OTOP1: variants seen among roughly 807,000 people sequenced by gnomAD.
OTOP1 encodes proton channel OTOP1.
OTOP1 carries 59 observed loss-of-function variants against 52.9 expected under a neutral mutation model. The ratio of observed to expected loss-of-function variants is 1.12; its 90% CI spans 0.91 to 1.39. The LOEUF (loss-of-function observed/expected upper bound fraction) is 1.39. Among genes scored for constraint, OTOP1 ranks in the 40% most tolerant of loss-of-function variants. OTOP1 has a pLI of 0.00. For synonymous variants in OTOP1, 317 were observed against 337.7 expected (o/e 0.94, Z 0.67); for missense variants, 761 against 800.9 (o/e 0.95, Z 0.60).
rs192640110 is a variant in OTOP1, at chr4:4,198,220, G to C, written c.731-117C>G. On this transcript the variant is annotated intron_variant, in intron 4 of 5. Transcript: ENST00000296358. ...GGCTTGGGTCTTCCCACTGGATTAT[G>C]AGCTTTATCATGTCATAGCTTATTA... The C allele has an allele frequency of 5.8e-5, 46 of 793,396 alleles. 1 individual carries two copies. The South Asian group carries it at 8.1e-4, about 14-fold the overall frequency. 49.1% of individuals were successfully genotyped at this position (793,396 alleles called of 1,614,324 possible).
chr4:4,215,176 G>C (rs1717112150), intron 1 of OTOP1, among the ~76,000 whole-genome samples: 1 of 152,156 alleles, frequency 6.6e-6, no homozygotes, highest in Non-Finnish European at 1.5e-5. Flanking sequence ...CTAGAAGGCA[G>C]GTGCTGTGTC....
intron 5 of OTOP1, among the ~76,000 whole-genome samples, chr4:4,196,764 C>T (rs115548239): frequency 0.013 from 1,912 of 152,192 alleles, 42 homozygotes; most frequent in African/African-American, 0.043. Flanking sequence ...AGCTCTACAC[C>T]GTGGAATATT....
intron 1 of OTOP1, 28 bp downstream of exon 1, chr4:4,226,434 G>T: frequency 1.4e-6 from 2 of 1,406,176 alleles, no homozygotes; most frequent in South Asian, 3.1e-5. Flanking sequence ...AGGAGGCGGA[G>T]ACCCGCTCGC....
intron 4 of OTOP1, among the ~76,000 whole-genome samples, chr4:4,199,220 T>TTGTGTGTGTATG (rs1553852200): frequency 3.7e-5 from 2 of 54,156 alleles, no homozygotes; most frequent in Non-Finnish European, 7.7e-5. Flanking sequence ...TCAGGTAAAA[T>TTGTGTGTGTATG]TGTGTGTGTG....
intron 3 of OTOP1, among the ~76,000 whole-genome samples, chr4:4,204,710 A>ATC (rs1290001440): frequency 7.0e-6 from 1 of 143,688 alleles, no homozygotes; most frequent in African/African-American, 2.6e-5. Context: ...TGTTTCCTTC[A>ATC]TCTGTGTGTG....
intron 4 of OTOP1, among the ~76,000 whole-genome samples, chr4:4,200,319 C>T (rs971355956): frequency 2.6e-5 from 4 of 151,656 alleles, no homozygotes; most frequent in African/African-American, 7.3e-5. Flanking sequence ...ACTAAAAATA[C>T]AAAAAATTAG....
At chr4:4,192,761 G>A (rs1716541605) in intron 5 of OTOP1, among the ~76,000 whole-genome samples, 4 of 152,094 alleles carry the variant, frequency 2.6e-5, no homozygotes, top group Admixed American at 1.3e-4. Context: ...GACCCTGGAG[G>A]GTGTTATGAT....
At position 4,226,806 on chromosome 4, in the gene OTOP1, G is replaced by C; in HGVS notation, c.59C>G (p.Ala20Gly). 1 of 1,363,064 alleles carries C rather than the reference G, an allele frequency of 7.3e-7. No individual in the cohort carries two copies. Among genetic ancestry groups the C allele is most frequent in the East Asian group, 3.1e-5 (1 of 32,322 alleles). 84.4% of individuals were successfully genotyped at this position (1,363,064 alleles called of 1,614,324 possible). The change falls in exon 1 of 6, where the codon GCA (alanine) becomes GGA (glycine). Residue 20 changes from alanine (A) to glycine (G), a missense_variant. Ala to Gly is a moderately conservative substitution (Grantham distance 60). Around this residue, in one of 3 missense-constraint regions of OTOP1, gnomAD observed 73 missense variants for 75.7 expected, o/e 0.96. Coordinates refer to ENST00000296358, the MANE Select transcript of OTOP1 (RefSeq NM_177998.3). ...SPRAAASASV[A>G]GSSGPAACSP... ...GCAGGCCGCTGGCCCCGACGACCCT[G>C]CGACCGAGGCGCTTGCAGCTGCCCG...
intron 1 of OTOP1, among the ~76,000 whole-genome samples, chr4:4,219,505 T>C (rs1340884393): frequency 6.6e-6 from 1 of 151,708 alleles, no homozygotes; most frequent in Non-Finnish European, 1.5e-5. Flanking sequence ...ATCGAGACCA[T>C]CCTGGCCAAC....
chr4:4,214,346 G>C (rs1717089611), intron 1 of OTOP1, among the ~76,000 whole-genome samples: 1 of 152,144 alleles, frequency 6.6e-6, no homozygotes, highest in Non-Finnish European at 1.5e-5. Flanking sequence ...ATAGTGCTCT[G>C]TTGGTAGGAA....
At chr4:4,220,105 A>ATATAT (rs1434375771) in intron 1 of OTOP1, among the ~76,000 whole-genome samples, 5 of 59,396 alleles carry the variant, frequency 8.4e-5, no homozygotes, top group African/African-American at 1.5e-4. Flanking sequence ...ATATATATAT[A>ATATAT]TTTTTTTTTT....
chr4:4,210,436 T>G (rs866384391), intron 2 of OTOP1, among the ~76,000 whole-genome samples: 30 of 152,184 alleles, frequency 2.0e-4, no homozygotes, highest in African/African-American at 5.8e-4. Context: ...TGTTGGTTCC[T>G]TTTGAGGCCT....
In OTOP1 at chr4:4,197,152, T is replaced by C. The variant is rs190572615; in HGVS notation, c.1668+14A>G. The C allele has an allele frequency of 1.9e-6, 3 of 1,586,260 alleles. No homozygotes were observed. Among genetic ancestry groups the C allele is most frequent in the East Asian group, 4.5e-5 (2 of 44,554 alleles). The stretch of plus-strand genomic sequence containing the variant: ...GTAAAATTAAAAGAATAAGAATAAC[T>C]TGGTGCAGATTACCGAAATATTGCA... On this transcript the variant is annotated intron_variant, in intron 5 of 5. Coordinates refer to ENST00000296358, the MANE Select transcript of OTOP1 (RefSeq NM_177998.3).
intron 1 of OTOP1, among the ~76,000 whole-genome samples, chr4:4,226,035 C>T (rs1033323149): frequency 7.2e-5 from 11 of 152,106 alleles, no homozygotes; most frequent in Non-Finnish European, 1.2e-4. Flanking sequence ...CTGCGATGGG[C>T]GAGAAAGTTC....
In OTOP1 at chr4:4,197,513, G is replaced by C. The variant is rs756010990; in HGVS notation, c.1321C>G (p.Leu441Val). 1.2e-6 allele frequency: 2 copies of C among 1,613,966 alleles called. No homozygotes were observed. The highest frequency in any genetic ancestry group is 1.3e-5 in the African/African-American group (1 of 74,898). ...LAIVEKYIQN[L>V]FIFESIHREP... ...CGGTGAATGGATTCAAAGATGAAGA[G>C]GTTCTGGATGTACTTCTCCACGATC... The change falls in exon 5 of 6, where the codon CTC (leucine) becomes GTC (valine). Residue 441 changes from leucine to valine, a missense_variant. This residue lies in a region of OTOP1 where 632 missense variants were observed against 619.5 expected (regional missense o/e 1.02). Coordinates refer to ENST00000296358, the MANE Select transcript of OTOP1 (RefSeq NM_177998.3).
rs746006251 is a variant in OTOP1 at position 4,198,061 on chromosome 4, G to A, written c.773C>T (p.Thr258Ile). The change falls in exon 5 of 6, where the codon ACT becomes ATT. Residue 258 changes from threonine to isoleucine, a missense_variant. Around this residue, in one of 3 missense-constraint regions of OTOP1, gnomAD observed 632 missense variants for 619.5 expected, o/e 1.02. Transcript: ENST00000296358. ...HTPQCNCTPPTLCTAISHGIY... is the reference protein window; with the variant it reads ...HTPQCNCTPPILCTAISHGIY... ...CCCGTGGGAGATGGCAGTGCACAGA[G>A]TTGGGGGCGTGCAGTTACACTGCGG... 9.3e-6 allele frequency: 15 copies of A among 1,614,176 alleles called. No individual in the cohort carries two copies. Among genetic ancestry groups the A allele is most frequent in the Non-Finnish European group, 1.2e-5 (14 of 1,180,000 alleles).
In OTOP1 at chr4:4,203,573, G is replaced by A. The variant is rs559667052; in HGVS notation, c.600-995C>T. Among the ~76,000 whole-genome samples the A allele has an allele frequency of 3.1e-4, 47 of 152,310 alleles. No individual in the cohort carries two copies. The South Asian group carries it at 9.5e-3, about 31-fold the overall frequency. On this transcript the variant is annotated intron_variant, in intron 3 of 5. Transcript: ENST00000296358. ...AGTGGAAGGTCGACACTGGACTCTG[G>A]GTAGCAGGCGAGAGATCCATGGGGA...
chr4:4,217,684 A>G (rs1312459026), intron 1 of OTOP1, among the ~76,000 whole-genome samples: 1 of 152,232 alleles, frequency 6.6e-6, no homozygotes, highest in Non-Finnish European at 1.5e-5. Context: ...AAGTGCATGA[A>G]GAAAAGTAAA....
intron 1 of OTOP1, among the ~76,000 whole-genome samples, chr4:4,224,482 C>CA (rs1278325240): frequency 1.3e-5 from 2 of 151,778 alleles, no homozygotes; most frequent in African/African-American, 4.8e-5. Flanking sequence ...AAAGAAGGAA[C>CA]AAAAAAGGGG....
Sources: gnomAD v4.1 joint callset for allele counts (sites outside exome capture counted in the v4.1 genomes callset) on GRCh38, gnomAD v4.1.1 for gene constraint, gnomAD v4.1.1 regional missense constraint, MANE v1.5 for transcripts, NCBI Gene and HGNC (gene_info 2026-07-23, HGNC 2026-07-21) for gene names.